The following TMEM202 variants were observed in gnomAD, a reference collection of about 807,000 sequenced individuals.
TMEM202 encodes transmembrane protein 202.
Under a neutral mutation model 26.1 loss-of-function variants are expected in TMEM202, and 25 were observed. The observed-to-expected ratio is 0.96, with a 90% CI of 0.70 to 1.34. TMEM202 has a LOEUF of 1.34. Among genes scored for constraint, TMEM202 ranks in the 40% most tolerant of loss-of-function variants. The probability of loss-of-function intolerance (pLI) is 0.00; values close to 1 mark genes in which losing one functional copy is unlikely to be tolerated. For synonymous variants in TMEM202, 122 were observed against 119.0 expected, an observed-to-expected ratio of 1.02 and a Z score of -0.16; for missense variants, 301 against 327.7, an observed-to-expected ratio of 0.92 and a Z score of 0.63.
intron 2 of TMEM202, among the ~76,000 whole-genome samples, chr15:72,405,455 G>A (rs1452679547): frequency 6.6e-6 from 1 of 152,158 alleles, no homozygotes; most frequent in East Asian, 1.9e-4. Flanking sequence ...AAGTAAGGTT[G>A]AGCATATCCC....
rs575892493 is a variant in TMEM202 at position 72,401,101 on chromosome 15, GT to G, written c.337+2197del. ...TTTGTTGCCATCTTGGTTTTAGCGG[GT>G]TTTGGCTGGCTTCTTTACCACAGCC... On this transcript the variant is annotated intron_variant, in intron 2 of 4. Coordinates refer to ENST00000341689, the MANE Select transcript of TMEM202 (RefSeq NM_001080462.3). Among the ~76,000 whole-genome samples the G allele has an allele frequency of 2.7e-4, 41 of 152,294 alleles. 1 individual carries two copies. The South Asian group carries it at 2.7e-3, about 10-fold the overall frequency.
intron 2 of TMEM202, among the ~76,000 whole-genome samples, chr15:72,402,466 G>A (rs2063552189): frequency 6.6e-6 from 1 of 152,166 alleles, no homozygotes; most frequent in Non-Finnish European, 1.5e-5. Flanking sequence ...TCAGGGTGTT[G>A]TGCTTCTGTC....
intron 2 of TMEM202, among the ~76,000 whole-genome samples, chr15:72,403,112 C>T (rs1455788656): frequency 6.6e-6 from 1 of 152,158 alleles, no homozygotes; most frequent in Non-Finnish European, 1.5e-5. Context: ...AGAAGGAGAT[C>T]CCGCCCATTA....
rs552064568 is a variant in TMEM202 at position 72,407,687 on chromosome 15, G to A, written c.620-4G>A. On this transcript the variant is annotated splice_polypyrimidine_tract_variant and splice_region_variant and intron_variant, in intron 4 of 4. Transcript: ENST00000341689. ...CCTCACCTCAAATTATTCCCTTCCC[G>A]TAGGGATCATCTCTCTTCTCAACTA... 1.6e-4 allele frequency: 263 copies of A among 1,613,632 alleles called. 5 individuals are homozygous for A. In the South Asian group the frequency reaches 2.5e-3, roughly 16 times the overall value.
At chr15:72,399,434 C>T (rs1212152930) in intron 2 of TMEM202, among the ~76,000 whole-genome samples, 1 of 152,166 alleles carries the variant, frequency 6.6e-6, no homozygotes, top group Non-Finnish European at 1.5e-5. Flanking sequence ...AGCCACCATG[C>T]CTGCCCTAGG....
At chr15:72,399,825 C>G (rs1156724843) in intron 2 of TMEM202, among the ~76,000 whole-genome samples, 3 of 152,172 alleles carry the variant, frequency 2.0e-5, no homozygotes, top group Admixed American at 6.5e-5. Flanking sequence ...TGACAGTTTT[C>G]CCATAACCCG....
chr15:72,398,549 A>G (rs553850013), intron 1 of TMEM202, 104 bp from the exon 2 acceptor site: 8 of 1,475,808 alleles, frequency 5.4e-6, no homozygotes, highest in South Asian at 1.4e-5. Context: ...AAAAATATCT[A>G]TAAATCAAAC....
intron 1 of TMEM202, 114 bp from the exon 2 acceptor site, chr15:72,398,539 A>C: frequency 2.1e-6 from 3 of 1,444,704 alleles, no homozygotes; most frequent in Middle Eastern, 1.9e-4. Flanking sequence ...AGGAGTAGGG[A>C]AAAATATCTA....
intron 1 of TMEM202, 68 bp from the exon 2 acceptor site, chr15:72,398,585 A>G: frequency 2.5e-6 from 4 of 1,582,432 alleles, no homozygotes; most frequent in Non-Finnish European, 3.5e-6. Context: ...TGAGGTAGAG[A>G]AGAGCGGGTG....
chr15:72,398,622 C>T (rs557189317), intron 1 of TMEM202, 31 bp from the exon 2 acceptor site: 63 of 1,609,358 alleles, frequency 3.9e-5, no homozygotes, highest in Admixed American at 2.5e-4. Context: ...GTTATTCTTT[C>T]GGGTAGGCAA....
intron 2 of TMEM202, among the ~76,000 whole-genome samples, chr15:72,405,859 A>G (rs1177351392): frequency 6.6e-6 from 1 of 152,162 alleles, no homozygotes; most frequent in Non-Finnish European, 1.5e-5. Flanking sequence ...GCATGGTGGC[A>G]TGTGCCTGTA....
intron 3 of TMEM202, 135 bp from the exon 4 acceptor site, chr15:72,406,951 C>T: frequency 2.3e-6 from 3 of 1,297,826 alleles, no homozygotes; most frequent in Non-Finnish European, 3.2e-6. Context: ...TTTCTCTCAT[C>T]TTGGTCAGTC....
intron 3 of TMEM202, 107 bp downstream of exon 3, chr15:72,406,858 C>A (rs2063574230): frequency 3.0e-6 from 4 of 1,315,928 alleles, no homozygotes; most frequent in Non-Finnish European, 4.2e-6. Flanking sequence ...TGCTCTTCTT[C>A]AGTATCACAC....
In TMEM202 at chr15:72,403,178, C is replaced by G. The variant is rs118164344; in HGVS notation, c.338-3424C>G. On this transcript the variant is annotated intron_variant, in intron 2 of 4. Coordinates refer to ENST00000341689, the MANE Select transcript of TMEM202 (RefSeq NM_001080462.3). The stretch of plus-strand genomic sequence containing the variant: ...ATTTCACTGAGATCTGAGGGGATGC[C>G]ACAGAACACTACTGCTTTCTGGTTG... Among the ~76,000 whole-genome samples the G allele has an allele frequency of 7.0e-4, 106 of 152,212 alleles. 2 individuals are homozygous for G. In the East Asian group the frequency reaches 0.014, roughly 20 times the overall value.
Position 72,398,409 on chromosome 15 carries a change from T to C in TMEM202, c.81+2T>C, listed in dbSNP as rs1215484196. On this transcript the variant is annotated splice_donor_variant, in intron 1 of 4. Coordinates refer to ENST00000341689, the MANE Select transcript of TMEM202 (RefSeq NM_001080462.3). LOFTEE classifies it high-confidence loss of function. The stretch of plus-strand genomic sequence containing the variant: ...AAGGGGAACCGGAAATACCAAAGGG[T>C]GAGGAGGTATCTAATTGAAAGTCAG... The C allele has an allele frequency of 1.2e-6, 2 of 1,606,600 alleles. No homozygotes were observed. The highest frequency in any genetic ancestry group is 2.7e-5 in the African/African-American group (2 of 74,698).
Position 72,407,798 on chromosome 15 carries a change from A to G in TMEM202, c.727A>G (p.Thr243Ala), listed in dbSNP as rs771784847. ...RSRLGVGPVT[T>A]VSPAKDEGPR... is the part of the protein sequence containing the mutation. The stretch of plus-strand genomic sequence containing the variant: ...AAGGCTGGGGGTTGGTCCGGTGACT[A>G]CAGTATCACCTGCTAAAGATGAAGG... Residue 243 changes from threonine to alanine, a missense_variant, in exon 5 of 5, where the codon ACA (threonine) becomes GCA (alanine). Physicochemically the swap from Thr to Ala is moderately conservative, Grantham distance 58. Coordinates refer to ENST00000341689, the MANE Select transcript of TMEM202 (RefSeq NM_001080462.3). 2 of 1,614,018 alleles carry G rather than the reference A, an allele frequency of 1.2e-6. No individual in the cohort carries two copies. The highest frequency in any genetic ancestry group is 1.3e-5 in the African/African-American group (1 of 75,020).
intron 2 of TMEM202, among the ~76,000 whole-genome samples, chr15:72,400,408 T>C (rs1019919569): frequency 6.6e-6 from 1 of 152,222 alleles, no homozygotes; most frequent in Non-Finnish European, 1.5e-5. Context: ...TGCAAATTGG[T>C]ATAACTAAAG....
At position 72,407,110 on chromosome 15, in the gene TMEM202, A is replaced by T; in HGVS notation, c.512A>T (p.Asn171Ile). The T allele has an allele frequency of 1.9e-6, 3 of 1,612,668 alleles. No homozygotes were observed. The highest frequency in any genetic ancestry group is 2.5e-6 in the Non-Finnish European group (3 of 1,179,762). The change falls in exon 4 of 5, where the codon AAC becomes ATC. Residue 171 changes from asparagine to isoleucine, a missense_variant. By Grantham distance (149) the Asn-to-Ile change is moderately radical. Transcript: ENST00000341689. The part of the protein sequence containing the change: ...ISATCLLLCL[N>I]LFVAQVHWHT... ...GCTACCTGCTTGCTCCTCTGCCTCA[A>T]CCTGTTTGTGGCACAGGTTCACTGG...
chr15:72,407,202 T>C lies in TMEM202; in HGVS notation c.604T>C (p.Phe202Leu). ...TYYLNWCSDI[F>L]YMFAGIISLL... is the part of the protein sequence containing the mutation. ...TTATCTTAACTGGTGCAGTGACATC[T>C]TTTACATGTTTGCTGGTGAGTCACT... is the stretch of plus-strand genomic sequence containing the variant. Residue 202 changes from phenylalanine (F) to leucine (L), a missense_variant, in exon 4 of 5, where the codon TTT becomes CTT. Physicochemically the swap from Phe to Leu is conservative, Grantham distance 22 (BLOSUM62 0). Transcript: ENST00000341689. 2 of 1,613,604 alleles carry C rather than the reference T, an allele frequency of 1.2e-6. No homozygotes were observed. The highest frequency in any genetic ancestry group is 1.7e-6 in the Non-Finnish European group (2 of 1,179,672).
Sources: gnomAD v4.1 joint callset for allele counts (sites outside exome capture counted in the v4.1 genomes callset) on GRCh38, gnomAD v4.1.1 for gene constraint, MANE v1.5 for transcripts, NCBI Gene and HGNC (gene_info 2026-07-23, HGNC 2026-07-21) for gene names.